CASR: variants seen among roughly 807,000 people sequenced by gnomAD.
CASR encodes extracellular calcium-sensing receptor.
In CASR, 23 loss-of-function variants were observed where a neutral mutation model predicts 69.1. That is an observed-to-expected ratio of 0.33 (90% CI 0.24 to 0.47). The LOEUF (loss-of-function observed/expected upper bound fraction) is 0.47, where lower values mean the gene tolerates loss of function less well. CASR is among the 20% of genes least tolerant of loss of function. The pLI is 1.00. For missense variants in CASR, 924 were observed against 1,356.1 expected, an observed-to-expected ratio of 0.68 and a Z score of 5.00; for synonymous variants, 541 against 544.7, an observed-to-expected ratio of 0.99 and a Z score of 0.10.
At chr3:122,250,563 C>T (rs1458404094) in intron 1 of CASR, among the ~76,000 whole-genome samples, 7 of 152,124 alleles carry the variant, frequency 4.6e-5, no homozygotes, top group Non-Finnish European at 8.8e-5. Context: ...ACTGCTCACT[C>T]GAGTAAGCTG....
rs1196440377 is a variant in CASR, at chr3:122,185,993, G to A, written c.-243+2181G>A. ...ATGCGAGTTACTTCCTGCCAATACA[G>A]CACAGTCAGCTCTGTTCCAAGACTT... On this transcript the variant is annotated intron_variant, in intron 1 of 6. Coordinates refer to ENST00000639785, the MANE Select transcript of CASR (RefSeq NM_000388.4). 1.0e-4 allele frequency among the ~76,000 whole-genome samples: 15 copies of A among 144,220 alleles called. No homozygotes were observed. The East Asian group carries it at 3.0e-3, about 29-fold the overall frequency. The allele number at this position is 144,220 out of a possible 152,430, so 94.6% of individuals were successfully genotyped here.
chr3:122,200,994 C>G (rs796128995), intron 1 of CASR, among the ~76,000 whole-genome samples: 192 of 81,544 alleles, frequency 2.4e-3, no homozygotes, highest in Non-Finnish European at 3.8e-3. Flanking sequence ...CATTGCTTTT[C>G]TTTTTTTTTT....
At chr3:122,267,206 G>A (rs920092913) in intron 4 of CASR, among the ~76,000 whole-genome samples, 4 of 152,180 alleles carry the variant, frequency 2.6e-5, no homozygotes, top group African/African-American at 4.8e-5. Context: ...AAAATAAAAC[G>A]CCCAAATGCA....
rs200240922 is a variant in CASR at position 122,275,934 on chromosome 3, T to A, written c.1500T>A (p.Asp500Glu). The A allele has an allele frequency of 1.2e-6, 2 of 1,614,120 alleles. No homozygotes were observed. Among genetic ancestry groups the A allele is most frequent in the African/African-American group, 2.7e-5 (2 of 75,068 alleles). ...TCAACTGGCACCTCTCCCCAGAGGA[T>A]GGCTCCATCGTGTTTAAGGAAGTCG... Reference protein sequence around the residue: ...SIINWHLSPEDGSIVFKEVGY... With the variant: ...SIINWHLSPEEGSIVFKEVGY... Residue 500 changes from aspartate to glutamate, a missense_variant, in exon 5 of 7, where the codon GAT (aspartate) becomes GAA (glutamate). Asp to Glu is a conservative substitution (Grantham distance 45). Around this residue, in one of 8 missense-constraint regions of CASR, gnomAD observed 310 missense variants for 395.7 expected, o/e 0.78. Coordinates refer to ENST00000639785, the MANE Select transcript of CASR (RefSeq NM_000388.4).
Position 122,262,303 on chromosome 3 carries a change from C to T in CASR, c.1268C>T (p.Ala423Val). The change falls in exon 4 of 7, where the codon GCA becomes GTA. Residue 423 changes from alanine (A) to valine (V), a missense_variant. Coordinates refer to ENST00000639785, the MANE Select transcript of CASR (RefSeq NM_000388.4). ...HLRISYNVYL[A>V]VYSIAHALQD... ...CGGATATCCTACAATGTGTACTTAGCAGTCTACTCCATTGCCCACGCCTTG... is the reference window on the plus strand; with the variant it reads ...CGGATATCCTACAATGTGTACTTAGTAGTCTACTCCATTGCCCACGCCTTG... 1 of 1,614,058 alleles carries T rather than the reference C, an allele frequency of 6.2e-7. No homozygotes were observed. The highest frequency in any genetic ancestry group is 8.5e-7 in the Non-Finnish European group (1 of 1,179,934).
chr3:122,266,820 T>G (rs1008131276), intron 4 of CASR, among the ~76,000 whole-genome samples: 24 of 152,020 alleles, frequency 1.6e-4, no homozygotes, highest in Non-Finnish European at 3.2e-4. Flanking sequence ...CTGGGTAACG[T>G]GGTGAAACCC....
At chr3:122,213,564 G>A (rs542190729) in intron 1 of CASR, among the ~76,000 whole-genome samples, 60 of 152,174 alleles carry the variant, frequency 3.9e-4, no homozygotes, top group Middle Eastern at 6.8e-3. Context: ...ATACATACTT[G>A]GCACCATACC....
chr3:122,223,989 G>A (rs1239742901), intron 1 of CASR, among the ~76,000 whole-genome samples: 3 of 152,020 alleles, frequency 2.0e-5, no homozygotes, highest in Non-Finnish European at 4.4e-5. Flanking sequence ...AAATTCAACA[G>A]CCCTTCATAT....
At chr3:122,227,896 A>T (rs1158451815) in intron 1 of CASR, among the ~76,000 whole-genome samples, 2 of 152,168 alleles carry the variant, frequency 1.3e-5, no homozygotes, top group African/African-American at 4.8e-5. Context: ...CCAAGATAAA[A>T]ACTAGTTAAA....
chr3:122,230,278 T>C (rs991872641), intron 1 of CASR, among the ~76,000 whole-genome samples: 3 of 152,166 alleles, frequency 2.0e-5, no homozygotes, highest in Non-Finnish European at 2.9e-5. Flanking sequence ...CGCCTCGCGG[T>C]GAGGGCCAGA....
intron 1 of CASR, among the ~76,000 whole-genome samples, chr3:122,190,297 G>A (rs1053078724): frequency 6.6e-6 from 1 of 152,154 alleles, no homozygotes; most frequent in Admixed American, 6.5e-5. Flanking sequence ...GAGGCTAGGT[G>A]ATCTTCTCTT....
At chr3:122,280,073 C>T (rs1023446293) in intron 5 of CASR, among the ~76,000 whole-genome samples, 13 of 152,040 alleles carry the variant, frequency 8.6e-5, no homozygotes, top group Middle Eastern at 3.2e-3. Context: ...TCCTGCAAAA[C>T]GTAATTCATC....
At chr3:122,259,628 A>ATTTT (rs11414721) in intron 3 of CASR, among the ~76,000 whole-genome samples, 15,735 of 121,836 alleles carry the variant, frequency 0.13, 1,631 homozygotes, top group East Asian at 0.42. Context: ...CACATTGGAA[A>ATTTT]TTTTTTTTTT....
chr3:122,229,333 A>G (rs1479667933), intron 1 of CASR, among the ~76,000 whole-genome samples: 1 of 152,100 alleles, frequency 6.6e-6, no homozygotes, highest in Non-Finnish European at 1.5e-5. Flanking sequence ...TTGCATTTCT[A>G]TTTAGGTGAG....
chr3:122,261,482 TTCACTCACTCAC>T, intron 3 of CASR, 34 bp from the exon 4 acceptor site: 2 of 1,589,956 alleles, frequency 1.3e-6, no homozygotes, highest in Non-Finnish European at 1.7e-6. Context: ...TCAGCACCTC[TTCACTCACTCAC>T]TCACTCATTC....
chr3:122,282,369 C>A, intron 6 of CASR, 133 bp downstream of exon 6: 1 of 882,742 alleles, frequency 1.1e-6, no homozygotes, highest in Non-Finnish European at 1.9e-6. Flanking sequence ...TATATCTGAG[C>A]ATCACAAAAT....
chr3:122,282,703 T>C lies in CASR; in HGVS notation c.1732+467T>C, dbSNP rs996701369. 2.6e-5 allele frequency among the ~76,000 whole-genome samples: 4 copies of C among 152,242 alleles called. No homozygotes were observed. In the East Asian group the frequency reaches 7.7e-4, roughly 29 times the overall value. ...AATTTTGAGAATTAGATGATTAATATTGGTAATGCACATGGTAAGTTCTAG... is the reference window on the plus strand; with the variant it reads ...AATTTTGAGAATTAGATGATTAATACTGGTAATGCACATGGTAAGTTCTAG... On this transcript the variant is annotated intron_variant, in intron 6 of 6. Transcript: ENST00000639785.
intron 1 of CASR, among the ~76,000 whole-genome samples, chr3:122,188,481 A>G (rs1501899): frequency 0.62 from 92,912 of 150,830 alleles, 28,765 homozygotes; most frequent in Admixed American, 0.74. Context: ...GCTTGTATAC[A>G]GAGAACTTCA....
intron 1 of CASR, among the ~76,000 whole-genome samples, chr3:122,225,869 T>C (rs1559944293): frequency 1.3e-5 from 2 of 152,324 alleles, no homozygotes; most frequent in South Asian, 4.1e-4. Flanking sequence ...GTGGTACATA[T>C]ATGCTACAGA....
Sources: allele counts gnomAD v4.1 joint callset (sites outside exome capture counted in the v4.1 genomes callset), GRCh38; gene constraint gnomAD v4.1.1; regional missense constraint gnomAD v4.1.1; transcripts MANE v1.5; gene names NCBI Gene and HGNC (gene_info 2026-07-23, HGNC 2026-07-21).